The following FRMD4B variants were observed in gnomAD, a reference collection of about 807,000 sequenced individuals.
FRMD4B encodes FERM domain containing 4B, also known as FERM domain-containing protein 4B.
FRMD4B carries 74 observed loss-of-function variants against 141.5 expected under a neutral mutation model. The observed-to-expected ratio is 0.52, with a 90% CI of 0.43 to 0.63. The LOEUF (loss-of-function observed/expected upper bound fraction) is 0.63. Ranked by LOEUF, FRMD4B falls within the 30% of genes least tolerant of loss-of-function variation. The pLI is 0.00. For synonymous variants in FRMD4B, 506 were observed against 467.9 expected, an observed-to-expected ratio of 1.08 and a Z score of -1.05; for missense variants, 1,366 against 1,253.4, an observed-to-expected ratio of 1.09 and a Z score of -1.36.
intron 12 of FRMD4B, chr3:69,198,429 A>G: frequency 2.5e-6 from 1 of 404,600 alleles, no homozygotes; most frequent in Non-Finnish European, 4.4e-6. Context: ...CACAAAACTA[A>G]AAATAACAAG....
chr3:69,292,788 C>T (rs1214919626), intron 4 of FRMD4B, among the ~76,000 whole-genome samples: 1 of 147,858 alleles, frequency 6.8e-6, no homozygotes, highest in African/African-American at 2.5e-5. Context: ...TGGACTATCC[C>T]AGATTCATAA....
intron 7 of FRMD4B, chr3:69,228,689 T>C (rs1467324943): frequency 3.0e-6 from 1 of 332,556 alleles, no homozygotes; most frequent in Non-Finnish European, 5.9e-6. Context: ...TTTTAAAAAA[T>C]TAGCCAGGTG....
intron 19 of FRMD4B, among the ~76,000 whole-genome samples, chr3:69,183,479 T>A (rs2092730831): frequency 7.3e-6 from 1 of 136,606 alleles, no homozygotes; most frequent in South Asian, 2.6e-4. Flanking sequence ...AGTTAATTTT[T>A]TTTTTTTTTT....
At chr3:69,260,684 C>G (rs927188031) in intron 5 of FRMD4B, among the ~76,000 whole-genome samples, 2 of 152,356 alleles carry the variant, frequency 1.3e-5, no homozygotes, top group Admixed American at 1.3e-4. Context: ...AGCCCCAGCA[C>G]GGGATCCACT....
intron 1 of FRMD4B, among the ~76,000 whole-genome samples, chr3:69,364,503 G>C (rs945757461): frequency 6.6e-6 from 1 of 152,228 alleles, no homozygotes; most frequent in Non-Finnish European, 1.5e-5. Flanking sequence ...AGCAATTCCA[G>C]TTTGCCTCTG....
At chr3:69,454,090 G>A (rs533713127) in intron 1 of FRMD4B, among the ~76,000 whole-genome samples, 1 of 152,320 alleles carries the variant, frequency 6.6e-6, no homozygotes, top group East Asian at 1.9e-4. Context: ...GGATGAGGAG[G>A]CAGAACACAT....
chr3:69,394,510 G>A (rs998409869), intron 2 of FRMD4B, among the ~76,000 whole-genome samples: 3 of 152,190 alleles, frequency 2.0e-5, no homozygotes, highest in Admixed American at 6.5e-5. Context: ...TAAAATGTCA[G>A]GAAATAACAG....
intron 5 of FRMD4B, among the ~76,000 whole-genome samples, chr3:69,273,414 G>A (rs2093604244): frequency 6.6e-6 from 1 of 152,184 alleles, no homozygotes; most frequent in African/African-American, 2.4e-5. Flanking sequence ...TGAGACTCCT[G>A]TGCTTTAAAA....
At chr3:69,527,124 A>G (rs989691714) in intron 1 of FRMD4B, among the ~76,000 whole-genome samples, 1 of 152,110 alleles carries the variant, frequency 6.6e-6, no homozygotes, top group Non-Finnish European at 1.5e-5. Context: ...TCCCCCATTC[A>G]GCTGTGACAC....
intron 7 of FRMD4B, among the ~76,000 whole-genome samples, chr3:69,232,349 T>C (rs1397794792): frequency 1.3e-5 from 2 of 152,168 alleles, no homozygotes; most frequent in Admixed American, 1.3e-4. Context: ...AATTCAGATG[T>C]CACAATGAAG....
intron 5 of FRMD4B, among the ~76,000 whole-genome samples, chr3:69,261,941 G>A (rs2093530010): frequency 6.6e-6 from 1 of 150,526 alleles, no homozygotes; most frequent in Non-Finnish European, 1.5e-5. Flanking sequence ...AAAGTGCTGG[G>A]ATTACAGGCT....
intron 1 of FRMD4B, among the ~76,000 whole-genome samples, chr3:69,438,632 C>T (rs930392353): frequency 6.6e-6 from 1 of 152,066 alleles, no homozygotes; most frequent in Non-Finnish European, 1.5e-5. Flanking sequence ...TCCAGGAAAA[C>T]CTTTTGGGCA....
At chr3:69,515,587 A>C (rs772859599) in intron 1 of FRMD4B, among the ~76,000 whole-genome samples, 9 of 152,162 alleles carry the variant, frequency 5.9e-5, no homozygotes, top group Non-Finnish European at 1.0e-4. Flanking sequence ...TTGGCCATTG[A>C]GATCTCTTTC....
intron 1 of FRMD4B, among the ~76,000 whole-genome samples, chr3:69,437,091 TAGAC>T (rs1440937930): frequency 1.3e-5 from 2 of 152,092 alleles, no homozygotes; most frequent in Admixed American, 6.6e-5. Flanking sequence ...TGAATGCACT[TAGAC>T]AGAGTCTTAC....
intron 19 of FRMD4B, among the ~76,000 whole-genome samples, chr3:69,185,088 G>C (rs2092750472): frequency 6.6e-6 from 1 of 152,046 alleles, no homozygotes; most frequent in South Asian, 2.1e-4. Flanking sequence ...TGGATCACGA[G>C]GTCAGGAGAT....
rs369254381 is a variant in FRMD4B at position 69,499,567 on chromosome 3, C to T, written c.-129+42639G>A. Among the ~76,000 whole-genome samples the T allele has an allele frequency of 5.9e-5, 9 of 152,262 alleles. No homozygotes were observed. The East Asian group carries it at 9.7e-4, about 16-fold the overall frequency. ...TGACCGAAGTAATTAAATCGTGAAG[C>T]TTTATACTGATGATGCAATCCACAT... On this transcript the variant is annotated intron_variant, in intron 1 of 5. Coordinates refer to the FRMD4B transcript ENST00000459638.
At chr3:69,346,976 T>C (rs1175245060) in intron 1 of FRMD4B, among the ~76,000 whole-genome samples, 10 of 152,158 alleles carry the variant, frequency 6.6e-5, no homozygotes, top group Non-Finnish European at 1.5e-4. Flanking sequence ...AATTCACTCA[T>C]AACAATATTA....
In FRMD4B at chr3:69,270,569, C is replaced by CT. The variant is rs57693333; in HGVS notation, c.501+17182dup. On this transcript the variant is annotated intron_variant, in intron 5 of 22. Coordinates refer to ENST00000398540, the MANE Select transcript of FRMD4B (RefSeq NM_015123.3). ...AAGCATTTTCTTTTTTTCTTTTTTTCTTTTTTTTTTTTTTTGAGACGGAGT... is the reference window on the plus strand; with the variant it reads ...AAGCATTTTCTTTTTTTCTTTTTTTCTTTTTTTTTTTTTTTTGAGACGGAGT... Among the ~76,000 whole-genome samples the CT allele has an allele frequency of 3.2e-3, 458 of 144,818 alleles. 4 individuals carry two copies. Among genetic ancestry groups the CT allele is most frequent in the African/African-American group, 0.011 (417 of 39,124 alleles).
chr3:69,381,972 T>C (rs1159446418), intron 1 of FRMD4B, among the ~76,000 whole-genome samples: 2 of 152,208 alleles, frequency 1.3e-5, no homozygotes. Flanking sequence ...AACCTTTTAA[T>C]TCATTGTTAT....
Sources: gnomAD v4.1 joint callset for allele counts (sites outside exome capture counted in the v4.1 genomes callset) on GRCh38, gnomAD v4.1.1 for gene constraint, MANE v1.5 for transcripts, NCBI Gene and HGNC (gene_info 2026-07-23, HGNC 2026-07-21) for gene names.